Variants in FCGR2B observed in about 807,000 individuals in gnomAD.
The protein encoded by FCGR2B is low affinity immunoglobulin gamma Fc region receptor II-b.
In FCGR2B, 18 loss-of-function variants were observed where a neutral mutation model predicts 24.8. The observed-to-expected ratio is 0.73, with a 90% CI of 0.50 to 1.08. The LOEUF is 1.08. Among genes scored for constraint, FCGR2B ranks in the 50% least tolerant of loss-of-function variants. FCGR2B has a pLI of 0.00. For missense variants in FCGR2B, 215 were observed against 297.6 expected (o/e 0.72, Z 2.04); for synonymous variants, 79 against 109.8 (o/e 0.72, Z 1.75).
chr1:161,661,250 G>C (rs1681061331), upstream of FCGR2B, among the ~76,000 whole-genome samples: 1 of 51,988 alleles, frequency 1.9e-5, no homozygotes, highest in South Asian at 5.7e-4. Flanking sequence ...AAGAAAGAAA[G>C]AAAGAAAGAA....
upstream of FCGR2B, among the ~76,000 whole-genome samples, chr1:161,661,190 GAAA>G (rs1681005596): frequency 2.2e-4 from 1 of 4,512 alleles, no homozygotes; most frequent in Admixed American, 2.0e-3. Context: ...AGGAAGAAAG[GAAA>G]GAAAGAAAGA....
chr1:161,677,328 C>T lies in FCGR2B; in HGVS notation c.818C>T (p.Ala273Val), dbSNP rs2102682542. 2 of 1,613,880 alleles carry T rather than the reference C, an allele frequency of 1.2e-6. No individual in the cohort carries two copies. Among genetic ancestry groups the T allele is most frequent in the Non-Finnish European group, 1.7e-6 (2 of 1,179,848 alleles). ...CTGATATTTCTTCTTTTTCCCACAG[C>T]CAATCCCACTAATCCTGATGAGGCT... ...EMGETLPEKPANPTNPDEADK... is the reference protein window; with the variant it reads ...EMGETLPEKPVNPTNPDEADK... The change falls in exon 7 of 8, where the codon GCC (alanine) becomes GTC (valine). Residue 273 changes from alanine to valine, a missense_variant and splice_region_variant. By Grantham distance (64) the Ala-to-Val change is moderately conservative. This residue lies in a region of FCGR2B where 81 missense variants were observed against 81.6 expected (regional missense o/e 0.99). Coordinates refer to ENST00000358671, the MANE Select transcript of FCGR2B (RefSeq NM_001394477.1).
the FCGR2B span, among the ~76,000 whole-genome samples, chr1:161,650,279 G>A: frequency 9.6e-5 from 14 of 146,180 alleles, 3 homozygotes; most frequent in African/African-American, 1.8e-4. Context: ...GAGCCACTGT[G>A]CCCTGCCAAA....
the FCGR2B span, among the ~76,000 whole-genome samples, chr1:161,649,363 A>T: frequency 4.6e-5 from 7 of 150,906 alleles, no homozygotes; most frequent in Admixed American, 4.6e-4. Context: ...TTAAAAGAAA[A>T]GTTTTGCAGA....
intron 3 of FCGR2B, chr1:161,672,599 G>A (rs1237248635): frequency 2.1e-5 from 7 of 326,246 alleles, no homozygotes; most frequent in Non-Finnish European, 3.9e-5. Context: ...TTCCCTCCTC[G>A]ACATGGAAGA....
At chr1:161,654,600 A>T in the FCGR2B span, among the ~76,000 whole-genome samples, 1 of 132,878 alleles carries the variant, frequency 7.5e-6, no homozygotes, top group Admixed American at 7.8e-5. Context: ...GATGCTTCAA[A>T]TGCGTAGGAA....
At chr1:161,671,800 C>T in intron 3 of FCGR2B, 151 bp downstream of exon 3, 3 of 1,448,080 alleles carry the variant, frequency 2.1e-6, no homozygotes, top group East Asian at 2.5e-5. Context: ...TTGTTTTTGC[C>T]TCAGTTCTGA....
Position 161,671,605 on chromosome 1 carries a change from G to A in FCGR2B, c.347G>A (p.Gly116Asp), listed in dbSNP as rs1216409851. ...AGCGGGGAGTACACGTGCCAGACTGGCCAGACCAGCCTCAGCGACCCTGTG... is the reference window on the plus strand; with the variant it reads ...AGCGGGGAGTACACGTGCCAGACTGACCAGACCAGCCTCAGCGACCCTGTG... The part of the protein sequence containing the change: ...NDSGEYTCQT[G>D]QTSLSDPVHL... The change falls in exon 3 of 8, where the codon GGC becomes GAC. Residue 116 changes from glycine (G) to aspartate (D), a missense_variant. Around this residue, in one of 5 missense-constraint regions of FCGR2B, gnomAD observed 39 missense variants for 73.3 expected, o/e 0.53. Transcript: ENST00000358671. The A allele has an allele frequency of 1.2e-6, 2 of 1,614,000 alleles. No individual in the cohort carries two copies. The highest frequency in any genetic ancestry group is 2.2e-5 in the East Asian group (1 of 44,872).
Position 161,669,574 on chromosome 1 carries a change from CAAAATAAAATAAAATAAAAT to C in FCGR2B, c.113-647_113-628del, listed in dbSNP as rs3039548. 1.5e-3 allele frequency among the ~76,000 whole-genome samples: 184 copies of C among 122,788 alleles called. 2 individuals are homozygous for C. The highest frequency in any genetic ancestry group is 4.5e-3 in the African/African-American group (160 of 35,402). 80.6% of individuals were successfully genotyped at this position (122,788 alleles called of 152,430 possible). On this transcript the variant is annotated intron_variant, in intron 1 of 7. Coordinates refer to ENST00000358671, the MANE Select transcript of FCGR2B (RefSeq NM_001394477.1). The stretch of plus-strand genomic sequence containing the variant: ...GACAGAGTGAGACCCTGTCCCCCCA[CAAAATAAAATAAAATAAAAT>C]AAAATAAAATAAAATAAAATAAAAT...
intron 4 of FCGR2B, 51 bp downstream of exon 4, chr1:161,673,280 G>A (rs1413911388): frequency 1.3e-6 from 2 of 1,594,140 alleles, no homozygotes; most frequent in African/African-American, 1.4e-5. Context: ...GGATGGACAA[G>A]GGCTGAGGTC....
chr1:161,647,360 G>A, the FCGR2B span, among the ~76,000 whole-genome samples: 7 of 144,032 alleles, frequency 4.9e-5, 1 homozygote, highest in African/African-American at 1.8e-4. Flanking sequence ...GAGTGCAGTA[G>A]TGTGATTTCG....
intron 6 of FCGR2B, chr1:161,676,824 C>T (rs1297095810): frequency 6.0e-6 from 1 of 167,312 alleles, no homozygotes; most frequent in African/African-American, 2.4e-5. Flanking sequence ...TCCCTCCCTT[C>T]CTCCCTTTCT....
chr1:161,678,591 T>G lies in FCGR2B; in HGVS notation c.*1038T>G, dbSNP rs1157309049. The G allele has an allele frequency of 1.4e-5, 3 of 210,886 alleles. No individual in the cohort carries two copies. The allele number at this position is 210,886 out of a possible 1,614,324, so 13.1% of individuals were successfully genotyped here. ...GTACTCTTCTGCCAATGACCTTGTATTCTTGTTTCCATGTCTTCTTCTCTT... is the reference window on the plus strand; with the variant it reads ...GTACTCTTCTGCCAATGACCTTGTAGTCTTGTTTCCATGTCTTCTTCTCTT... On this transcript the variant is annotated 3_prime_UTR_variant, in exon 8 of 8. Transcript: ENST00000358671.
At chr1:161,671,876 C>T in intron 3 of FCGR2B, 4 of 801,388 alleles carry the variant, frequency 5.0e-6, no homozygotes, top group Non-Finnish European at 7.7e-6. Context: ...GAAGGAAATC[C>T]CTACTGCATA....
At chr1:161,669,409 A>G (rs1297849931) in intron 1 of FCGR2B, among the ~76,000 whole-genome samples, 2 of 133,500 alleles carry the variant, frequency 1.5e-5, no homozygotes. Flanking sequence ...CTTCTCTACT[A>G]AAAATACAAA....
Position 161,671,608 on chromosome 1 carries a change from A to G in FCGR2B, c.350A>G (p.Gln117Arg). 6.2e-7 allele frequency: 1 copy of G among 1,613,990 alleles called. No homozygotes were observed. The highest frequency in any genetic ancestry group is 8.5e-7 in the Non-Finnish European group (1 of 1,179,888). ...GGGGAGTACACGTGCCAGACTGGCC[A>G]GACCAGCCTCAGCGACCCTGTGCAT... Reference protein sequence around the residue: ...DSGEYTCQTGQTSLSDPVHLT... With the variant: ...DSGEYTCQTGRTSLSDPVHLT... Residue 117 changes from glutamine to arginine, a missense_variant, in exon 3 of 8, where the codon CAG (glutamine) becomes CGG (arginine). Transcript: ENST00000358671.
chr1:161,654,863 T>C, the FCGR2B span, among the ~76,000 whole-genome samples: 5 of 138,188 alleles, frequency 3.6e-5, 1 homozygote, highest in Non-Finnish European at 8.4e-5. Context: ...ACTTTGTGTA[T>C]TATCTGTTTT....
chr1:161,649,308 A>C, the FCGR2B span, among the ~76,000 whole-genome samples: 4 of 150,994 alleles, frequency 2.6e-5, no homozygotes, highest in Non-Finnish European at 5.9e-5. Context: ...AATAATATGA[A>C]TGTCAGGTCA....
At chr1:161,648,482 C>A in the FCGR2B span, among the ~76,000 whole-genome samples, 2 of 149,472 alleles carry the variant, frequency 1.3e-5, no homozygotes, top group Admixed American at 6.7e-5. Flanking sequence ...GACTTATTAT[C>A]TTTTTATGTG....
Sources: gnomAD v4.1 joint callset for allele counts (sites outside exome capture counted in the v4.1 genomes callset) on GRCh38, gnomAD v4.1.1 for gene constraint, gnomAD v4.1.1 regional missense constraint, MANE v1.5 for transcripts, NCBI Gene and HGNC (gene_info 2026-07-23, HGNC 2026-07-21) for gene names.